The following CHSY3 variants were observed in gnomAD, a reference collection of about 807,000 sequenced individuals.
CHSY3 encodes the protein N-acetylgalactosaminyl-proteoglycan 3-beta-glucuronosyltransferase 3.
A neutral mutation model predicts 67.2 loss-of-function variants in CHSY3; 35 were observed. The observed-to-expected ratio is 0.52, with a 90% CI of 0.40 to 0.69. CHSY3 has a LOEUF of 0.69. Ranked by LOEUF, CHSY3 falls within the 30% of genes least tolerant of loss-of-function variation. The pLI, the probability that CHSY3 is intolerant of heterozygous loss-of-function variation, is 0.00. For missense variants in CHSY3, 1,069 were observed against 1,138.5 expected (o/e 0.94, Z 0.88); for synonymous variants, 474 against 434.7 (o/e 1.09, Z -1.12).
intron 2 of CHSY3, among the ~76,000 whole-genome samples, chr5:130,073,065 C>G (rs1453662616): frequency 2.0e-5 from 3 of 152,084 alleles, no homozygotes; most frequent in Admixed American, 2.0e-4. Context: ...AGAGGAATAA[C>G]TTTTAGTGAT....
chr5:130,070,075 A>G (rs768346428), intron 2 of CHSY3, among the ~76,000 whole-genome samples: 12 of 152,076 alleles, frequency 7.9e-5, no homozygotes, highest in Non-Finnish European at 1.5e-4. Context: ...CATATCTAAG[A>G]AAAACATACC....
intron 2 of CHSY3, among the ~76,000 whole-genome samples, chr5:130,052,527 T>A (rs557601058): frequency 6.6e-6 from 1 of 152,154 alleles, no homozygotes; most frequent in East Asian, 1.9e-4. Flanking sequence ...CAATAACAAT[T>A]TTTTTTTATT....
At chr5:130,072,091 T>A (rs1766092641) in intron 2 of CHSY3, among the ~76,000 whole-genome samples, 1 of 152,152 alleles carries the variant, frequency 6.6e-6, no homozygotes, top group Non-Finnish European at 1.5e-5. Flanking sequence ...TATGTATTTT[T>A]TATATTAACC....
At chr5:130,153,857 C>T (rs1338313800) in intron 2 of CHSY3, among the ~76,000 whole-genome samples, 2 of 151,976 alleles carry the variant, frequency 1.3e-5, no homozygotes, top group African/African-American at 2.4e-5. Context: ...GTAATCATTA[C>T]GTAAACATTA....
At position 130,184,717 on chromosome 5, in the gene CHSY3, C is replaced by A; in HGVS notation, c.1575C>A (p.Gly525=). The change falls in exon 3 of 3, where the codon GGC becomes GGA. Residue 525 remains glycine, a synonymous_variant. Coordinates refer to ENST00000305031, the MANE Select transcript of CHSY3 (RefSeq NM_175856.5). ...TTGACTTCAAGGAAATTCAGTATGGCTACCGCAGAGTTAACCCCATGCACG... is the reference window on the plus strand; with the variant it reads ...TTGACTTCAAGGAAATTCAGTATGGATACCGCAGAGTTAACCCCATGCACG... ...RLIDFKEIQY[G]YRRVNPMHGV... is the part of the protein sequence containing the mutation. 6.2e-7 allele frequency: 1 copy of A among 1,608,846 alleles called. No individual in the cohort carries two copies. The highest frequency in any genetic ancestry group is 8.5e-7 in the Non-Finnish European group (1 of 1,175,182).
chr5:130,076,287 G>A (rs1169982275), intron 2 of CHSY3, among the ~76,000 whole-genome samples: 1 of 150,470 alleles, frequency 6.6e-6, no homozygotes, highest in Non-Finnish European at 1.5e-5. Flanking sequence ...TGTCCTCCCA[G>A]CTAAAACTGA....
At position 130,143,878 on chromosome 5, in the gene CHSY3, C is replaced by T. The variant is rs561036049; in HGVS notation, c.1087-40351C>T. On this transcript the variant is annotated intron_variant, in intron 2 of 2. Transcript: ENST00000305031. ...TTCAGCTATATTGGATACTGCCAAA[C>T]TATTTTCCAAAGTAGTTGAATCAAT... 2.5e-3 allele frequency among the ~76,000 whole-genome samples: 323 copies of T among 128,350 alleles called. 2 individuals are homozygous for T. The highest frequency in any genetic ancestry group is 8.9e-3 in the African/African-American group (313 of 35,008). The allele number at this position is 128,350 out of a possible 152,430, so 84.2% of individuals were successfully genotyped here.
At position 130,181,151 on chromosome 5, in the gene CHSY3, G is replaced by A. The variant is rs550361712; in HGVS notation, c.1087-3078G>A. Reference sequence around the variant, plus strand: ...TGGTGTTCATTGCTGCTGTGATTTTGTTGTTGTGAAATGATTTTTCTTTGC... The same window carrying A: ...TGGTGTTCATTGCTGCTGTGATTTTATTGTTGTGAAATGATTTTTCTTTGC... On this transcript the variant is annotated intron_variant, in intron 2 of 2. Coordinates refer to ENST00000305031, the MANE Select transcript of CHSY3 (RefSeq NM_175856.5). 7.2e-4 allele frequency among the ~76,000 whole-genome samples: 110 copies of A among 152,214 alleles called. 2 individuals are homozygous for A. The highest frequency in any genetic ancestry group is 2.6e-3 in the African/African-American group (107 of 41,554).
chr5:129,973,660 A>G lies in CHSY3; in HGVS notation c.1086+65300A>G, dbSNP rs576928912. ...TCTCCTTTCCTCAATTTTTACAGGCATTGCCTTGATTAAAGGCCTCATTAC... is the reference window on the plus strand; with the variant it reads ...TCTCCTTTCCTCAATTTTTACAGGCGTTGCCTTGATTAAAGGCCTCATTAC... On this transcript the variant is annotated intron_variant, in intron 2 of 2. Transcript: ENST00000305031. Among the ~76,000 whole-genome samples the G allele has an allele frequency of 2.0e-5, 3 of 152,246 alleles. No homozygotes were observed. The South Asian group carries it at 6.2e-4, about 32-fold the overall frequency.
intron 2 of CHSY3, among the ~76,000 whole-genome samples, chr5:130,132,760 T>G (rs935955758): frequency 1.3e-5 from 2 of 152,188 alleles, no homozygotes; most frequent in African/African-American, 4.8e-5. Context: ...ATTGTCATAA[T>G]TGGGGGACTC....
chr5:130,077,256 CT>C (rs2149684795), intron 2 of CHSY3, among the ~76,000 whole-genome samples: 1 of 152,190 alleles, frequency 6.6e-6, no homozygotes, highest in Admixed American at 6.5e-5. Flanking sequence ...GTTCTACCCA[CT>C]CCCCACACCC....
At chr5:130,131,755 T>C (rs556338005) in intron 2 of CHSY3, among the ~76,000 whole-genome samples, 1 of 152,304 alleles carries the variant, frequency 6.6e-6, no homozygotes, top group East Asian at 1.9e-4. Context: ...AACCTCATGA[T>C]ATCCACTAGA....
chr5:130,077,588 A>G (rs1400404437), intron 2 of CHSY3, among the ~76,000 whole-genome samples: 1 of 152,144 alleles, frequency 6.6e-6, no homozygotes, highest in African/African-American at 2.4e-5. Flanking sequence ...CTAACGAGGA[A>G]GAAGAGTTTG....
At chr5:130,017,469 GGAAGGCTGGGGTAGC>G (rs1397414464) in intron 2 of CHSY3, among the ~76,000 whole-genome samples, 1 of 152,090 alleles carries the variant, frequency 6.6e-6, no homozygotes, top group African/African-American at 2.4e-5. Context: ...TCTGGGGTAG[GGAAGGCTGGGGTAGC>G]GTACTTTCTA....
chr5:130,051,343 G>A (rs1157037167), intron 2 of CHSY3, among the ~76,000 whole-genome samples: 8 of 152,052 alleles, frequency 5.3e-5, no homozygotes, highest in African/African-American at 1.4e-4. Context: ...TTTTAAAGGA[G>A]CTAAAGTTCT....
rs1427726211 is a variant in CHSY3, at chr5:130,024,941, C to G, written c.1086+116581C>G. On this transcript the variant is annotated intron_variant, in intron 2 of 2. Transcript: ENST00000305031. ...AGGATCAAAAGTGACAGTGGCTGGG[C>G]TGGAATTGAGTTCAGTTTTATTAGT... is the stretch of plus-strand genomic sequence containing the variant. Among the ~76,000 whole-genome samples, 6 of 152,142 alleles carry G rather than the reference C, an allele frequency of 3.9e-5. No individual in the cohort carries two copies. In the East Asian group the frequency reaches 1.2e-3, roughly 29 times the overall value.
At chr5:129,976,913 CATAT>C (rs5871372) in intron 2 of CHSY3, among the ~76,000 whole-genome samples, 5,746 of 146,436 alleles carry the variant, frequency 0.039, 339 homozygotes, top group African/African-American at 0.13. Flanking sequence ...ATAGAGAAGA[CATAT>C]ATATATATAT....
rs540392747 is a variant in CHSY3, at chr5:130,032,967, C to A, written c.1086+124607C>A. Among the ~76,000 whole-genome samples, 5 of 152,260 alleles carry A rather than the reference C, an allele frequency of 3.3e-5. No individual in the cohort carries two copies. The South Asian group carries it at 6.2e-4, about 19-fold the overall frequency. ...CCCATGTTGTGGGGAAGTGGCCAGT[C>A]CGTCATACCAGTCTTGCTCAATCCT... On this transcript the variant is annotated intron_variant, in intron 2 of 2. Coordinates refer to ENST00000305031, the MANE Select transcript of CHSY3 (RefSeq NM_175856.5).
chr5:129,966,905 G>GT (rs1457677999), intron 2 of CHSY3, among the ~76,000 whole-genome samples: 4 of 151,790 alleles, frequency 2.6e-5, no homozygotes, highest in Non-Finnish European at 4.4e-5. Context: ...TACAGATACT[G>GT]TAAGTAACTT....
Sources: allele counts gnomAD v4.1 joint callset (sites outside exome capture counted in the v4.1 genomes callset), GRCh38; gene constraint gnomAD v4.1.1; transcripts MANE v1.5; gene names NCBI Gene and HGNC (gene_info 2026-07-23, HGNC 2026-07-21).